DYRK1A: variants seen among roughly 807,000 people sequenced by gnomAD.
DYRK1A encodes dual specificity tyrosine phosphorylation regulated kinase 1A.
Under a neutral mutation model 79.7 loss-of-function variants are expected in DYRK1A, and 9 were observed. The observed-to-expected ratio is 0.11, with a 90% CI of 0.07 to 0.20. The LOEUF (loss-of-function observed/expected upper bound fraction) is 0.20, where lower values mean the gene tolerates loss of function less well. Among genes scored for constraint, DYRK1A ranks in the 10% least tolerant of loss-of-function variants. The pLI is 1.00. For missense variants in DYRK1A, 622 were observed against 956.0 expected, an observed-to-expected ratio of 0.65 and a Z score of 4.61; for synonymous variants, 349 against 329.7, an observed-to-expected ratio of 1.06 and a Z score of -0.63.
At chr21:37,398,600 T>A (rs1201442419) in intron 1 of DYRK1A, among the ~76,000 whole-genome samples, 1 of 152,234 alleles carries the variant, frequency 6.6e-6, no homozygotes, top group African/African-American at 2.4e-5. Flanking sequence ...TTACATAGTT[T>A]ATAAAATACC....
rs11349987 is a variant in DYRK1A, at chr21:37,403,634, T to TA, written c.-76-16650dup. Reference sequence around the variant, plus strand: ...GTGTGCCCCACTATGCTCAGCTAATTAAAAAAAAAAAAAAATATATATATA... The same window carrying TA: ...GTGTGCCCCACTATGCTCAGCTAATTAAAAAAAAAAAAAAAATATATATATA... On this transcript the variant is annotated intron_variant, in intron 1 of 11. Transcript: ENST00000647188. Among the ~76,000 whole-genome samples the TA allele has an allele frequency of 1.9e-3, 222 of 119,700 alleles. 2 individuals are homozygous for TA. Among genetic ancestry groups the TA allele is most frequent in the Middle Eastern group, 8.4e-3 (2 of 238 alleles). 78.5% of individuals were successfully genotyped at this position (119,700 alleles called of 152,430 possible). A position where few individuals can be genotyped will look rare whatever the true frequency, so the allele number is the denominator to read the frequency against.
chr21:37,372,721 A>G (rs934611628), intron 1 of DYRK1A, among the ~76,000 whole-genome samples: 1 of 152,162 alleles, frequency 6.6e-6, no homozygotes, highest in Admixed American at 6.5e-5. Context: ...GAGATAATGC[A>G]TGTACATTTC....
chr21:37,469,531 T>A (rs1278084088), intron 2 of DYRK1A, among the ~76,000 whole-genome samples: 5 of 152,158 alleles, frequency 3.3e-5, no homozygotes, highest in Non-Finnish European at 5.9e-5. Flanking sequence ...GAGGTTTAGT[T>A]GGCTCATGGT....
At chr21:37,439,743 G>C (rs2051034991) in intron 2 of DYRK1A, among the ~76,000 whole-genome samples, 1 of 152,160 alleles carries the variant, frequency 6.6e-6, no homozygotes, top group Admixed American at 6.5e-5. Flanking sequence ...GGGGACCGCT[G>C]CTTTATCAGA....
At chr21:37,397,100 A>G (rs1349527779) in intron 1 of DYRK1A, among the ~76,000 whole-genome samples, 2 of 152,162 alleles carry the variant, frequency 1.3e-5, no homozygotes, top group African/African-American at 4.8e-5. Flanking sequence ...TAAGGCCCAG[A>G]AGTGGCACTT....
At chr21:37,509,179 G>GT (rs1298899803) in intron 11 of DYRK1A, among the ~76,000 whole-genome samples, 1 of 152,108 alleles carries the variant, frequency 6.6e-6, no homozygotes. Context: ...TAGTTTATTA[G>GT]TTTTTTGTAT....
chr21:37,375,103 A>G (rs2049510921), intron 1 of DYRK1A: 1 of 152,230 alleles, frequency 6.6e-6, no homozygotes, highest in Non-Finnish European at 1.5e-5. Context: ...TTATAGGAAT[A>G]GTTATCATCT....
chr21:37,457,018 TTACTTACTTACTTACTTAC>T (rs1569339388), intron 2 of DYRK1A, among the ~76,000 whole-genome samples: 6 of 79,798 alleles, frequency 7.5e-5, no homozygotes, highest in African/African-American at 3.0e-4. Flanking sequence ...GAAAATTTAC[TTACTTACTTACTTACTTAC>T]TTATTTATTT....
intron 1 of DYRK1A, among the ~76,000 whole-genome samples, chr21:37,372,021 C>T (rs1456673183): frequency 6.6e-6 from 1 of 151,998 alleles, no homozygotes; most frequent in African/African-American, 2.4e-5. Context: ...GACATCTTGG[C>T]AGTTGGTTCT....
intron 8 of DYRK1A, 136 bp downstream of exon 8, chr21:37,493,299 A>G (rs1414690236): frequency 6.4e-6 from 5 of 784,688 alleles, no homozygotes; most frequent in African/African-American, 1.7e-5. Flanking sequence ...GTTTGAATAT[A>G]CCTATTTTTC....
At chr21:37,490,678 A>G (rs371325874) in intron 7 of DYRK1A, among the ~76,000 whole-genome samples, 1 of 151,506 alleles carries the variant, frequency 6.6e-6, no homozygotes, top group Non-Finnish European at 1.5e-5. Flanking sequence ...CAGGATGCTT[A>G]TTTATCTTTA....
intron 2 of DYRK1A, among the ~76,000 whole-genome samples, chr21:37,455,175 CCT>C (rs2051595568): frequency 6.6e-6 from 1 of 151,834 alleles, no homozygotes; most frequent in Non-Finnish European, 1.5e-5. Context: ...TGATTCTACC[CCT>C]GTGTGTGAGG....
At chr21:37,411,206 A>G (rs1472859146) in intron 1 of DYRK1A, among the ~76,000 whole-genome samples, 1 of 152,020 alleles carries the variant, frequency 6.6e-6, no homozygotes, top group Non-Finnish European at 1.5e-5. Context: ...AATACAAAAA[A>G]TTAGCCAGGC....
At chr21:37,403,098 A>C (rs1419510297) in intron 1 of DYRK1A, among the ~76,000 whole-genome samples, 1 of 151,836 alleles carries the variant, frequency 6.6e-6, no homozygotes, top group African/African-American at 2.4e-5. Flanking sequence ...CTGTCTTCCA[A>C]GTTTGCTGAT....
intron 1 of DYRK1A, among the ~76,000 whole-genome samples, chr21:37,375,519 C>CTT (rs58948987): frequency 0.061 from 4,956 of 81,224 alleles, 407 homozygotes; most frequent in East Asian, 0.082. Flanking sequence ...AGGAATATTA[C>CTT]TTTTTTTTTT....
intron 2 of DYRK1A, among the ~76,000 whole-genome samples, chr21:37,435,287 A>G (rs2050891739): frequency 6.6e-6 from 1 of 152,168 alleles, no homozygotes; most frequent in Non-Finnish European, 1.5e-5. Flanking sequence ...AACAGTTCCA[A>G]TCATATGGTG....
intron 1 of DYRK1A, among the ~76,000 whole-genome samples, chr21:37,393,163 C>T (rs2049901883): frequency 6.6e-6 from 1 of 152,214 alleles, no homozygotes; most frequent in Non-Finnish European, 1.5e-5. Flanking sequence ...GGAGCTGTCT[C>T]TTTCTGGTAT....
intron 1 of DYRK1A, among the ~76,000 whole-genome samples, chr21:37,417,147 A>G (rs1374887737): frequency 6.6e-6 from 1 of 152,100 alleles, no homozygotes; most frequent in Non-Finnish European, 1.5e-5. Context: ...TGATGCATTC[A>G]TTTCAGTCCC....
chr21:37,473,970 A>G (rs1475718862), intron 3 of DYRK1A, among the ~76,000 whole-genome samples: 2 of 152,254 alleles, frequency 1.3e-5, no homozygotes, highest in East Asian at 1.9e-4. Context: ...TAATAACACG[A>G]TGATCCATTT....
Sources: allele counts gnomAD v4.1 joint callset (sites outside exome capture counted in the v4.1 genomes callset), GRCh38; gene constraint gnomAD v4.1.1; transcripts MANE v1.5; gene names NCBI Gene and HGNC (gene_info 2026-07-23, HGNC 2026-07-21).